Variants in ABHD6 observed in about 807,000 individuals in gnomAD.
The protein encoded by ABHD6 is abhydrolase domain containing 6, acylglycerol lipase, also known as monoacylglycerol lipase ABHD6.
In ABHD6, 33 loss-of-function variants were observed where a neutral mutation model predicts 38.8. The observed-to-expected ratio is 0.85, with a 90% CI of 0.64 to 1.14. The LOEUF (loss-of-function observed/expected upper bound fraction) is 1.14, where lower values mean the gene tolerates loss of function less well. ABHD6 is among the 50% of genes most tolerant of loss of function. The probability of loss-of-function intolerance (pLI) is 0.00; values close to 1 mark genes in which losing one functional copy is unlikely to be tolerated. For missense variants in ABHD6, 380 were observed against 422.6 expected, an observed-to-expected ratio of 0.90 and a Z score of 0.88; for synonymous variants, 147 against 161.6, an observed-to-expected ratio of 0.91 and a Z score of 0.69.
chr3:58,280,273 A>T (rs550071458), intron 7 of ABHD6, among the ~76,000 whole-genome samples: 119 of 152,142 alleles, frequency 7.8e-4, no homozygotes, highest in African/African-American at 2.7e-3. Flanking sequence ...TATTTCTTGG[A>T]AGCTTTTTTT....
chr3:58,274,782 C>A lies in ABHD6; in HGVS notation c.648C>A (p.Leu216=). The A allele has an allele frequency of 1.2e-6, 2 of 1,614,246 alleles. No individual in the cohort carries two copies. Among genetic ancestry groups the A allele is most frequent in the Non-Finnish European group, 1.7e-6 (2 of 1,180,042 alleles). Reference sequence around the variant, plus strand: ...AAGAGATGAGTGAAATGCTTCAGCTCTGCTCCTATGTCCGCTTCAAGGTGC... The same window carrying A: ...AAGAGATGAGTGAAATGCTTCAGCTATGCTCCTATGTCCGCTTCAAGGTGC... ...TPEEMSEMLQ[L]CSYVRFKVPQ... Residue 216 remains leucine (L), a synonymous_variant, in exon 7 of 10, where the codon CTC becomes CTA. Coordinates refer to ENST00000478253, the MANE Select transcript of ABHD6 (RefSeq NM_001320126.2).
At position 58,269,360 on chromosome 3, in the gene ABHD6, C is replaced by G. The variant is rs2097443173; in HGVS notation, c.316C>G (p.Pro106Ala). The change falls in exon 5 of 10, where the codon CCA (proline) becomes GCA (alanine). Residue 106 changes from proline to alanine, a missense_variant. Coordinates refer to ENST00000478253, the MANE Select transcript of ABHD6 (RefSeq NM_001320126.2). This position sits in a 1 kb window ranked among gnomAD's most constrained non-coding sequence, Gnocchi z 4.4. ...KNLHLVCVDM[P>A]GHEGTTRSSL... ...CCTGCACTTGGTCTGCGTGGACATG[C>G]CAGGACATGAGGGCACCACCCGCTC... The G allele has an allele frequency of 6.2e-7, 1 of 1,613,924 alleles. No homozygotes were observed.
In ABHD6 at chr3:58,286,856, A is replaced by G. The variant is rs867082715; in HGVS notation, c.837+1403A>G. Among the ~76,000 whole-genome samples the G allele has an allele frequency of 1.3e-4, 16 of 121,484 alleles. 1 individual carries two copies. Among genetic ancestry groups the G allele is most frequent in the Middle Eastern group, 7.6e-3 (2 of 262 alleles). The allele number at this position is 121,484 out of a possible 152,430, so 79.7% of individuals were successfully genotyped here. A position where few individuals can be genotyped will look rare whatever the true frequency, so the allele number is the denominator to read the frequency against. On this transcript the variant is annotated intron_variant, in intron 9 of 9. Transcript: ENST00000478253. ...TGTGTGTGTGTGTGTGTGTGTGTATATATATATATATATGTATATGTATAT... is the reference window on the plus strand; with the variant it reads ...TGTGTGTGTGTGTGTGTGTGTGTATGTATATATATATATGTATATGTATAT...
Position 58,290,706 on chromosome 3 carries a change from G to A in ABHD6, c.838-2883G>A, listed in dbSNP as rs562405523. ...CGCTTCTCACCTCCCAGACGGGGTC[G>A]CGGCCGGGCAGAGGCGCTCCTCACA... On this transcript the variant is annotated intron_variant, in intron 9 of 9. Coordinates refer to ENST00000478253, the MANE Select transcript of ABHD6 (RefSeq NM_001320126.2). Among the ~76,000 whole-genome samples, 191 of 150,430 alleles carry A rather than the reference G, an allele frequency of 1.3e-3. 2 individuals are homozygous for A. Among genetic ancestry groups the A allele is most frequent in the African/African-American group, 3.6e-3 (148 of 40,908 alleles).
Position 58,287,124 on chromosome 3 carries a change from T to C in ABHD6, c.837+1671T>C, listed in dbSNP as rs905813101. On this transcript the variant is annotated intron_variant, in intron 9 of 9. Transcript: ENST00000478253. This position sits in a 1 kb window ranked among gnomAD's most constrained non-coding sequence, Gnocchi z 4.7. Reference sequence around the variant, plus strand: ...AGATCCCATCTCTATAAAAAATAAATTTTTAAAAAAGTAGCCAAGCATGGT... The same window carrying C: ...AGATCCCATCTCTATAAAAAATAAACTTTTAAAAAAGTAGCCAAGCATGGT... Among the ~76,000 whole-genome samples, 8 of 150,960 alleles carry C rather than the reference T, an allele frequency of 5.3e-5. No homozygotes were observed. Among genetic ancestry groups the C allele is most frequent in the African/African-American group, 1.9e-4 (8 of 41,078 alleles).
In ABHD6 at chr3:58,267,284, C is replaced by G. The variant is rs2107451122; in HGVS notation, c.215C>G (p.Pro72Arg). The change falls in exon 4 of 10, where the codon CCC (proline) becomes CGC (arginine). Residue 72 changes from proline to arginine, a missense_variant. Physicochemically the swap from Pro to Arg is moderately radical, Grantham distance 103. Transcript: ENST00000478253. This position sits in a 1 kb window ranked among gnomAD's most constrained non-coding sequence, Gnocchi z 4.3. ...TTCCGGGGCAGGCCTGGGCACAAAC[C>G]CTCCATCCTCATGCTCCACGGATTC... ...YSFRGRPGHK[P>R]SILMLHGFSA... 6.2e-7 allele frequency: 1 copy of G among 1,614,096 alleles called. No individual in the cohort carries two copies. The highest frequency in any genetic ancestry group is 2.2e-5 in the East Asian group (1 of 44,874).
At chr3:58,264,008 A>T (rs549901150) in intron 3 of ABHD6, among the ~76,000 whole-genome samples, 35 of 152,206 alleles carry the variant, frequency 2.3e-4, no homozygotes, top group East Asian at 1.2e-3. Flanking sequence ...AATAGTATTT[A>T]AAAAAATTGG....
At chr3:58,289,261 A>T (rs2107479151) in intron 9 of ABHD6, among the ~76,000 whole-genome samples, 1 of 151,148 alleles carries the variant, frequency 6.6e-6, no homozygotes, top group South Asian at 2.1e-4. Flanking sequence ...TTTATTGATC[A>T]TTCTTGGGTG....
rs148543454 is a variant in ABHD6 at position 58,273,607 on chromosome 3, A to T, written c.524-1051A>T. ...GGATGAAGCTGGAAGCATCATTCTCAGCAAACTAACACAGGAACAGAAAAC... is the reference window on the plus strand; with the variant it reads ...GGATGAAGCTGGAAGCATCATTCTCTGCAAACTAACACAGGAACAGAAAAC... On this transcript the variant is annotated intron_variant, in intron 6 of 9. Transcript: ENST00000478253. The surrounding 1 kb of genome is among the most constrained non-coding windows in gnomAD (Gnocchi z 4.8). Among the ~76,000 whole-genome samples the T allele has an allele frequency of 2.2e-3, 333 of 152,316 alleles. 3 individuals carry two copies. Among genetic ancestry groups the T allele is most frequent in the African/African-American group, 7.5e-3 (310 of 41,570 alleles).
chr3:58,251,344 G>A lies in ABHD6; in HGVS notation c.-26+1402G>A, dbSNP rs930242447. Among the ~76,000 whole-genome samples the A allele has an allele frequency of 2.6e-5, 4 of 151,746 alleles. No individual in the cohort carries two copies. The highest frequency in any genetic ancestry group is 5.9e-5 in the Non-Finnish European group (4 of 67,970). On this transcript the variant is annotated intron_variant, in intron 2 of 9. Transcript: ENST00000478253. This position sits in a 1 kb window ranked among gnomAD's most constrained non-coding sequence, Gnocchi z 5.4. Reference sequence around the variant, plus strand: ...AAAAAAAAAGAAAGAAAAAAAGACAGAAATCAGTAAGTCAGGCGAAGCGAG... The same window carrying A: ...AAAAAAAAAGAAAGAAAAAAAGACAAAAATCAGTAAGTCAGGCGAAGCGAG...
intron 2 of ABHD6, among the ~76,000 whole-genome samples, chr3:58,254,006 T>G (rs1222885925): frequency 1.3e-5 from 2 of 152,178 alleles, no homozygotes; most frequent in Non-Finnish European, 2.9e-5. Context: ...GCTCATATCT[T>G]CATTGAGAAA....
chr3:58,264,442 CACAT>C lies in ABHD6; in HGVS notation c.120-2745_120-2742del, dbSNP rs963630551. On this transcript the variant is annotated intron_variant, in intron 3 of 9. Transcript: ENST00000478253. ...ACACACACACACACACACACACACACACATATGCCAGGTGCAGTGGCTCAGTGGC... is the reference window on the plus strand; with the variant it reads ...ACACACACACACACACACACACACACATGCCAGGTGCAGTGGCTCAGTGGC... Among the ~76,000 whole-genome samples, 84 of 96,568 alleles carry C rather than the reference CACAT, an allele frequency of 8.7e-4. 1 individual carries two copies. Among genetic ancestry groups the C allele is most frequent in the African/African-American group, 4.4e-3 (66 of 15,110 alleles). 63.4% of individuals were successfully genotyped at this position (96,568 alleles called of 152,430 possible).
chr3:58,250,122 C>T (rs912145848), intron 2 of ABHD6, among the ~76,000 whole-genome samples, 180 bp downstream of exon 2: 1 of 152,138 alleles, frequency 6.6e-6, no homozygotes, highest in Non-Finnish European at 1.5e-5. Flanking sequence ...AAAGCTCTGA[C>T]GCACACCCTA....
chr3:58,247,476 A>G (rs1575513261), intron 1 of ABHD6, among the ~76,000 whole-genome samples: 1 of 152,320 alleles, frequency 6.6e-6, no homozygotes, highest in Admixed American at 6.5e-5. Flanking sequence ...TTTCAATTTA[A>G]TTTTAAGCAG....
chr3:58,280,881 A>C (rs2097452614), intron 7 of ABHD6, among the ~76,000 whole-genome samples: 1 of 152,160 alleles, frequency 6.6e-6, no homozygotes, highest in African/African-American at 2.4e-5. Flanking sequence ...AGTTTGCTGG[A>C]GGTCCGCTCC....
In ABHD6 at chr3:58,266,027, A is replaced by G. The variant is rs2097440620; in HGVS notation, c.120-1162A>G. 2.0e-5 allele frequency among the ~76,000 whole-genome samples: 3 copies of G among 152,258 alleles called. No homozygotes were observed. The highest frequency in any genetic ancestry group is 7.2e-5 in the African/African-American group (3 of 41,470). Reference sequence around the variant, plus strand: ...AGCTGGGATGTGAATGGATGAACAAAGTCGTGTTATGATTTAGAATTTTGA... The same window carrying G: ...AGCTGGGATGTGAATGGATGAACAAGGTCGTGTTATGATTTAGAATTTTGA... On this transcript the variant is annotated intron_variant, in intron 3 of 9. Transcript: ENST00000478253. This position sits in a 1 kb window ranked among gnomAD's most constrained non-coding sequence, Gnocchi z 4.0.
rs6445965 is a variant in ABHD6, at chr3:58,266,230, C to G, written c.120-959C>G. The stretch of plus-strand genomic sequence containing the variant: ...TTGGGAGGCCAACGTGGATGGATCA[C>G]TTGAGGCCAGGAGTTTGAGACTGGC... On this transcript the variant is annotated intron_variant, in intron 3 of 9. Transcript: ENST00000478253. The surrounding 1 kb of genome is among the most constrained non-coding windows in gnomAD (Gnocchi z 4.0). Among the ~76,000 whole-genome samples, 40,081 of 152,056 alleles carry G rather than the reference C, an allele frequency of 0.26. 5,368 individuals carry two copies. Among genetic ancestry groups the G allele is most frequent in the Non-Finnish European group, 0.27 (18,524 of 67,962 alleles).
At chr3:58,239,444 C>T (rs925944886) in intron 1 of ABHD6, among the ~76,000 whole-genome samples, 2 of 152,200 alleles carry the variant, frequency 1.3e-5, no homozygotes, top group Non-Finnish European at 2.9e-5. Context: ...TAATAAATGG[C>T]TCACACTGAC....
chr3:58,267,413 C>T lies in ABHD6; in HGVS notation c.276+68C>T. The T allele has an allele frequency of 1.3e-6, 2 of 1,584,912 alleles. No individual in the cohort carries two copies. Among genetic ancestry groups the T allele is most frequent in the South Asian group, 1.1e-5 (1 of 88,942 alleles). ...GGTGCTGTGGCTCATGCCTATAATC[C>T]CAGCACTTTGGGAGCCTGAGGCAGG... On this transcript the variant is annotated intron_variant, in intron 4 of 9. Coordinates refer to ENST00000478253, the MANE Select transcript of ABHD6 (RefSeq NM_001320126.2). This position sits in a 1 kb window ranked among gnomAD's most constrained non-coding sequence, Gnocchi z 4.3.
Sources: gnomAD v4.1 joint callset for allele counts (sites outside exome capture counted in the v4.1 genomes callset) on GRCh38, gnomAD v4.1.1 for gene constraint, Gnocchi (gnomAD v3.1) non-coding constraint, MANE v1.5 for transcripts, NCBI Gene and HGNC (gene_info 2026-07-23, HGNC 2026-07-21) for gene names.